Variants in CTIF observed in about 807,000 individuals in gnomAD.
The protein encoded by CTIF is cap binding complex dependent translation initiation factor.
CTIF carries 21 observed loss-of-function variants against 66.0 expected under a neutral mutation model. The observed-to-expected ratio is 0.32, with a 90% CI of 0.23 to 0.46. The LOEUF (loss-of-function observed/expected upper bound fraction) is 0.46, where lower values mean the gene tolerates loss of function less well. Ranked by LOEUF, CTIF falls within the 20% of genes least tolerant of loss-of-function variation. CTIF has a pLI of 1.00. For synonymous variants in CTIF, 345 were observed against 326.4 expected, an observed-to-expected ratio of 1.06 and a Z score of -0.62; for missense variants, 739 against 812.7, an observed-to-expected ratio of 0.91 and a Z score of 1.10.
intron 9 of CTIF, among the ~76,000 whole-genome samples, chr18:48,797,656 G>C (rs1331707977): frequency 6.6e-6 from 1 of 151,962 alleles, no homozygotes; most frequent in African/African-American, 2.4e-5. Flanking sequence ...GTGGTATTCT[G>C]GGGTGGGGGG....
chr18:48,587,874 G>A (rs769716363), intron 1 of CTIF, among the ~76,000 whole-genome samples: 9 of 152,022 alleles, frequency 5.9e-5, no homozygotes, highest in Non-Finnish European at 8.8e-5. Flanking sequence ...GCTGTTTTAC[G>A]TGTGTCTGAA....
chr18:48,691,986 A>G (rs943752723), intron 6 of CTIF, among the ~76,000 whole-genome samples: 1 of 152,164 alleles, frequency 6.6e-6, no homozygotes, highest in African/African-American at 2.4e-5. Flanking sequence ...GGTTCAAGCA[A>G]TTCTTGTGCT....
At chr18:48,822,718 G>C (rs1300900075) in intron 10 of CTIF, among the ~76,000 whole-genome samples, 1 of 152,118 alleles carries the variant, frequency 6.6e-6, no homozygotes, top group Non-Finnish European at 1.5e-5. Flanking sequence ...CTATTTTTAA[G>C]TTTTTGAGGA....
At chr18:48,773,726 G>A (rs1234647388) in intron 9 of CTIF, among the ~76,000 whole-genome samples, 1 of 152,166 alleles carries the variant, frequency 6.6e-6, no homozygotes, top group African/African-American at 2.4e-5. Context: ...CTCCGCACAG[G>A]GTGCCCCACC....
chr18:48,730,849 C>G (rs1400029706), intron 7 of CTIF, among the ~76,000 whole-genome samples: 1 of 150,478 alleles, frequency 6.6e-6, no homozygotes, highest in South Asian at 2.1e-4. Context: ...GAGGGACCCC[C>G]GCAGCATGAG....
intron 10 of CTIF, among the ~76,000 whole-genome samples, chr18:48,823,444 G>A (rs1188658866): frequency 2.0e-5 from 3 of 152,140 alleles, no homozygotes; most frequent in Admixed American, 6.5e-5. Context: ...TGTGTTCTTG[G>A]CACCTTTGTT....
chr18:48,631,776 C>T (rs1340018371), intron 2 of CTIF, among the ~76,000 whole-genome samples: 3 of 152,116 alleles, frequency 2.0e-5, no homozygotes, highest in African/African-American at 7.2e-5. Flanking sequence ...ACGTTTCCCG[C>T]CTTTCTGTTT....
rs1038426356 is a variant in CTIF at position 48,748,984 on chromosome 18, A to G, written c.585-8935A>G. Among the ~76,000 whole-genome samples the G allele has an allele frequency of 1.3e-5, 2 of 152,124 alleles. 1 individual carries two copies. Among genetic ancestry groups the G allele is most frequent in the African/African-American group, 4.8e-5 (2 of 41,424 alleles). ...CTCTGCATCTCTGAGCCTTCCCTCCACTGGCCCCTTCTCCCCAGCCCTCTT... is the reference window on the plus strand; with the variant it reads ...CTCTGCATCTCTGAGCCTTCCCTCCGCTGGCCCCTTCTCCCCAGCCCTCTT... On this transcript the variant is annotated intron_variant, in intron 7 of 11. Coordinates refer to ENST00000256413, the MANE Select transcript of CTIF (RefSeq NM_014772.3).
chr18:48,711,538 G>A (rs2092223156), intron 6 of CTIF, 81 bp from the exon 7 acceptor site: 3 of 1,040,258 alleles, frequency 2.9e-6, no homozygotes, highest in East Asian at 2.4e-5. Context: ...TTAGATGCTG[G>A]TGTACTTAGT....
chr18:48,604,718 G>T (rs1390913516), intron 1 of CTIF, among the ~76,000 whole-genome samples: 1 of 152,128 alleles, frequency 6.6e-6, no homozygotes, highest in Admixed American at 6.5e-5. Context: ...TTATAGATAT[G>T]TGTGACCTTT....
chr18:48,818,858 T>C (rs2068424246), intron 10 of CTIF, among the ~76,000 whole-genome samples: 1 of 152,012 alleles, frequency 6.6e-6, no homozygotes, highest in Admixed American at 6.5e-5. Flanking sequence ...GGGCCCTGGG[T>C]GTCAGCGGAG....
chr18:48,579,411 G>A (rs2089604545), intron 1 of CTIF, among the ~76,000 whole-genome samples: 1 of 152,200 alleles, frequency 6.6e-6, no homozygotes, highest in African/African-American at 2.4e-5. Flanking sequence ...TTCCCAAAGT[G>A]CTGGGATGAC....
intron 10 of CTIF, among the ~76,000 whole-genome samples, chr18:48,818,317 C>CT (rs2068412569): frequency 6.6e-6 from 1 of 152,140 alleles, no homozygotes; most frequent in Admixed American, 6.5e-5. Flanking sequence ...AGTTGAATTT[C>CT]TGAGTTAGAG....
chr18:48,560,226 A>ATTT (rs34752495), intron 1 of CTIF, among the ~76,000 whole-genome samples: 1,688 of 131,328 alleles, frequency 0.013, 29 homozygotes, highest in Admixed American at 0.021. Flanking sequence ...TTTGGAGGCT[A>ATTT]TTTTTTTTTT....
At chr18:48,592,591 A>T (rs1361752712) in intron 1 of CTIF, among the ~76,000 whole-genome samples, 2 of 152,068 alleles carry the variant, frequency 1.3e-5, no homozygotes, top group Non-Finnish European at 2.9e-5. Context: ...GCTTGGCCTC[A>T]TGGGAGAAGC....
At chr18:48,594,710 C>G (rs1304360128) in intron 1 of CTIF, among the ~76,000 whole-genome samples, 2 of 152,244 alleles carry the variant, frequency 1.3e-5, no homozygotes, top group African/African-American at 4.8e-5. Context: ...TGTCCCCCTC[C>G]TGTGCCCATC....
rs187636430 is a variant in CTIF, at chr18:48,602,123, A to G, written c.-28-17415A>G. On this transcript the variant is annotated intron_variant, in intron 1 of 11. Coordinates refer to ENST00000256413, the MANE Select transcript of CTIF (RefSeq NM_014772.3). ...GTGTGAACATGGGCCTACTGTTCAT[A>G]GTGTCACATCCTCCATTAAAAGAGG... Among the ~76,000 whole-genome samples, 64 of 152,370 alleles carry G rather than the reference A, an allele frequency of 4.2e-4. 1 individual carries two copies. Among genetic ancestry groups the G allele is most frequent in the African/African-American group, 1.4e-3 (60 of 41,590 alleles).
At chr18:48,601,324 A>G (rs1262376232) in intron 1 of CTIF, among the ~76,000 whole-genome samples, 1 of 152,196 alleles carries the variant, frequency 6.6e-6, no homozygotes, top group East Asian at 1.9e-4. Context: ...GCATGTTTAG[A>G]CACTGAGAAT....
intron 4 of CTIF, 124 bp downstream of exon 4, chr18:48,663,949 T>C (rs528388395): frequency 1.1e-6 from 1 of 889,028 alleles, no homozygotes; most frequent in East Asian, 2.4e-5. Flanking sequence ...GTAGGGGATG[T>C]AGGAAGGATG....
Sources: allele counts gnomAD v4.1 joint callset (sites outside exome capture counted in the v4.1 genomes callset), GRCh38; gene constraint gnomAD v4.1.1; transcripts MANE v1.5; gene names NCBI Gene and HGNC (gene_info 2026-07-23, HGNC 2026-07-21).